The following AFAP1L2 variants were observed in gnomAD, a reference collection of about 807,000 sequenced individuals.
AFAP1L2 encodes the protein actin filament associated protein 1 like 2.
A neutral mutation model predicts 99.3 loss-of-function variants in AFAP1L2; 46 were observed. The ratio of observed to expected loss-of-function variants is 0.46; its 90% confidence interval spans 0.37 to 0.59. AFAP1L2 has a LOEUF of 0.59. Ranked by LOEUF, AFAP1L2 falls within the 20% of genes least tolerant of loss-of-function variation. The pLI, the probability that AFAP1L2 is intolerant of heterozygous loss-of-function variation, is 0.00. For missense variants in AFAP1L2, 959 were observed against 1,034.9 expected (o/e 0.93, Z 1.01); for synonymous variants, 397 against 419.1 (o/e 0.95, Z 0.64).
At chr10:114,298,578 C>T (rs1302793016) in intron 16 of AFAP1L2, among the ~76,000 whole-genome samples, 1 of 152,084 alleles carries the variant, frequency 6.6e-6, no homozygotes, top group Non-Finnish European at 1.5e-5. Flanking sequence ...GGCATGGTGG[C>T]TCACGCTCAC....
At chr10:114,306,485 T>C (rs1236195676) in intron 10 of AFAP1L2, among the ~76,000 whole-genome samples, 7 of 151,922 alleles carry the variant, frequency 4.6e-5, no homozygotes, top group African/African-American at 7.3e-5. Flanking sequence ...TCCTAAGGGA[T>C]TGGAAGCTGC....
At chr10:114,328,597 G>A (rs144636019) in intron 4 of AFAP1L2, among the ~76,000 whole-genome samples, 82 of 152,310 alleles carry the variant, frequency 5.4e-4, no homozygotes, top group African/African-American at 1.9e-3. Flanking sequence ...TGGTCCTTGC[G>A]AGAGAAACAG....
At chr10:114,381,964 T>C (rs1298029388) in intron 1 of AFAP1L2, among the ~76,000 whole-genome samples, 1 of 152,138 alleles carries the variant, frequency 6.6e-6, no homozygotes, top group Non-Finnish European at 1.5e-5. Context: ...AGAGATCCCA[T>C]AAAGAGATAG....
the AFAP1L2 span, among the ~76,000 whole-genome samples, chr10:114,283,366 CACACAGGCAGGGTAGCGAGCAGTTA>C: frequency 6.6e-6 from 1 of 151,728 alleles, no homozygotes; most frequent in African/African-American, 2.4e-5. Context: ...AGCAGTTAGA[CACACAGGCAGGGTAGCGAGCAGTTA>C]GACACACAGG....
At chr10:114,316,230 C>T (rs944885880) in intron 5 of AFAP1L2, among the ~76,000 whole-genome samples, 3 of 152,240 alleles carry the variant, frequency 2.0e-5, no homozygotes, top group Non-Finnish European at 2.9e-5. Flanking sequence ...GAAGAGAACG[C>T]CATCCGTGCT....
chr10:114,327,173 A>ATATATATATATATATATATATAT (rs1491191152), intron 4 of AFAP1L2, among the ~76,000 whole-genome samples: 3 of 18,690 alleles, frequency 1.6e-4, no homozygotes, highest in African/African-American at 3.4e-4. Flanking sequence ...ATATATATAT[A>ATATATATATATATATATATATAT]TTTTTTTTTT....
chr10:114,361,779 T>C (rs150827317), intron 1 of AFAP1L2, among the ~76,000 whole-genome samples: 1 of 152,276 alleles, frequency 6.6e-6, no homozygotes, highest in Non-Finnish European at 1.5e-5. Context: ...TTAGATTTTG[T>C]CACTAAATAA....
In AFAP1L2 at chr10:114,308,536, T is replaced by C. The variant is rs2042756219; in HGVS notation, c.883-19A>G. ...TATCTGGCTATGGACAAAAGCGACA[T>C]GAATGGGGATCACTGGCTGGGAACA... is the stretch of plus-strand genomic sequence containing the variant. On this transcript the variant is annotated intron_variant, in intron 8 of 18. Transcript: ENST00000304129. 1.2e-6 allele frequency: 2 copies of C among 1,607,158 alleles called. No homozygotes were observed. Among genetic ancestry groups the C allele is most frequent in the East Asian group, 2.2e-5 (1 of 44,846 alleles).
intron 5 of AFAP1L2, among the ~76,000 whole-genome samples, chr10:114,321,819 T>G (rs1171542391): frequency 6.6e-6 from 1 of 152,198 alleles, no homozygotes; most frequent in Non-Finnish European, 1.5e-5. Context: ...CTGAGAGCCA[T>G]CAGCCAAGGA....
At chr10:114,391,221 C>CT (rs1282903786) in intron 1 of AFAP1L2, among the ~76,000 whole-genome samples, 1 of 151,202 alleles carries the variant, frequency 6.6e-6, no homozygotes, top group Non-Finnish European at 1.5e-5. Context: ...TCTTTCTTTT[C>CT]TTTTTTTCTT....
At chr10:114,308,349 G>T (rs975854126) in intron 9 of AFAP1L2, 84 bp downstream of exon 9, 5 of 1,205,762 alleles carry the variant, frequency 4.1e-6, no homozygotes, top group South Asian at 2.7e-5. Context: ...GTTAGAATCC[G>T]CTGCTAAAAC....
At chr10:114,350,610 TG>T (rs2050323274) in intron 1 of AFAP1L2, among the ~76,000 whole-genome samples, 1 of 152,214 alleles carries the variant, frequency 6.6e-6, no homozygotes, top group Admixed American at 6.5e-5. Context: ...AAGTCCCATC[TG>T]GGCCAGTTAA....
intron 1 of AFAP1L2, among the ~76,000 whole-genome samples, chr10:114,381,533 G>A (rs1032758192): frequency 2.6e-5 from 4 of 152,116 alleles, no homozygotes; most frequent in Non-Finnish European, 4.4e-5. Context: ...TTAAATGGGC[G>A]AATTGTATGG....
intron 11 of AFAP1L2, among the ~76,000 whole-genome samples, chr10:114,303,974 G>GCCACAAGGACGGAGTCCA (rs1178145411): frequency 6.6e-6 from 1 of 152,206 alleles, no homozygotes; most frequent in Non-Finnish European, 1.5e-5. Flanking sequence ...GGATGTAAGT[G>GCCACAAGGACGGAGTCCA]CCACAAGGAC....
the AFAP1L2 span, chr10:114,288,987 C>G: frequency 1.2e-6 from 2 of 1,614,064 alleles, no homozygotes; most frequent in Non-Finnish European, 1.7e-6. Context: ...ACACCTCTGC[C>G]TCAGTAGGGC....
downstream of AFAP1L2, among the ~76,000 whole-genome samples, chr10:114,291,995 C>T (rs1302802148): frequency 1.3e-5 from 2 of 152,176 alleles, no homozygotes; most frequent in East Asian, 1.9e-4. Context: ...AAAGAGGCTG[C>T]GGCCAGAGAC....
intron 7 of AFAP1L2, among the ~76,000 whole-genome samples, chr10:114,313,020 C>A (rs986059956): frequency 6.6e-6 from 1 of 151,870 alleles, no homozygotes; most frequent in East Asian, 1.9e-4. Flanking sequence ...CTGACAGGCT[C>A]GCCAAGGTGG....
At chr10:114,370,846 T>G (rs1393335316) in intron 1 of AFAP1L2, among the ~76,000 whole-genome samples, 1 of 152,206 alleles carries the variant, frequency 6.6e-6, no homozygotes, top group Non-Finnish European at 1.5e-5. Context: ...GTTATCCACT[T>G]CCACTATTTC....
Position 114,327,146 on chromosome 10 carries a change from T to TA in AFAP1L2, c.316-3886_316-3885insT, listed in dbSNP as rs1491414642. On this transcript the variant is annotated intron_variant, in intron 4 of 18. Transcript: ENST00000304129. The stretch of plus-strand genomic sequence containing the variant: ...GTGAAGACCGTGAATTTTATATATA[T>TA]TTATATATATATATATATATATATA... Among the ~76,000 whole-genome samples the TA allele has an allele frequency of 1.4e-3, 40 of 27,752 alleles. No individual in the cohort carries two copies. In the South Asian group the frequency reaches 0.015, roughly 10 times the overall value. The allele number at this position is 27,752 out of a possible 152,430, so 18.2% of individuals were successfully genotyped here.
Sources: allele counts gnomAD v4.1 joint callset (sites outside exome capture counted in the v4.1 genomes callset), GRCh38; gene constraint gnomAD v4.1.1; transcripts MANE v1.5; gene names NCBI Gene and HGNC (gene_info 2026-07-23, HGNC 2026-07-21).